Variants in SLC2A13 observed in about 807,000 individuals in gnomAD.
SLC2A13 encodes the protein solute carrier family 2 member 13, also known as proton myo-inositol cotransporter.
SLC2A13 carries 32 observed loss-of-function variants against 64.4 expected under a neutral mutation model. The observed-to-expected ratio is 0.50, with a 90% CI of 0.37 to 0.67. The LOEUF (loss-of-function observed/expected upper bound fraction) is 0.67, where lower values mean the gene tolerates loss of function less well. Among genes scored for constraint, SLC2A13 ranks in the 30% least tolerant of loss-of-function variants. The probability of loss-of-function intolerance (pLI) is 0.00; values close to 1 mark genes in which losing one functional copy is unlikely to be tolerated. For missense variants in SLC2A13, 743 were observed against 829.2 expected, an observed-to-expected ratio of 0.90 and a Z score of 1.28; for synonymous variants, 338 against 327.1, an observed-to-expected ratio of 1.03 and a Z score of -0.36.
At chr12:40,069,503 C>A (rs554241261) in intron 1 of SLC2A13, among the ~76,000 whole-genome samples, 2 of 152,006 alleles carry the variant, frequency 1.3e-5, no homozygotes, top group East Asian at 3.9e-4. Context: ...ACTATGGTCT[C>A]CAGTATAATA....
chr12:40,052,131 G>A (rs17518141), intron 1 of SLC2A13, among the ~76,000 whole-genome samples: 3,395 of 152,182 alleles, frequency 0.022, 137 homozygotes, highest in African/African-American at 0.077. Flanking sequence ...CAAAGATAGG[G>A]AGGGAAAAAA....
At chr12:40,071,649 T>C (rs868533532) in intron 1 of SLC2A13, among the ~76,000 whole-genome samples, 18 of 152,284 alleles carry the variant, frequency 1.2e-4, no homozygotes, top group Middle Eastern at 6.8e-3. Context: ...CTTTCAGTTT[T>C]GGAAGGTTAT....
intron 4 of SLC2A13, among the ~76,000 whole-genome samples, chr12:39,896,033 T>TACATACATGC (rs1166772651): frequency 8.3e-5 from 3 of 36,116 alleles, no homozygotes; most frequent in Non-Finnish European, 1.2e-4. Flanking sequence ...CATACATGCA[T>TACATACATGC]ATGTTTATAT....
intron 3 of SLC2A13, among the ~76,000 whole-genome samples, chr12:39,989,800 T>A (rs1235294446): frequency 6.6e-6 from 1 of 152,218 alleles, no homozygotes; most frequent in East Asian, 1.9e-4. Flanking sequence ...TTAATCCCCA[T>A]GATCCAGAAG....
rs368724660 is a variant in SLC2A13, at chr12:39,757,324, A to G, written c.*2702T>C. On this transcript the variant is annotated 3_prime_UTR_variant, in exon 10 of 10. Coordinates refer to ENST00000280871, the MANE Select transcript of SLC2A13 (RefSeq NM_052885.4). ...CTGCTTTAATATGGTAGGTCAAATC[A>G]CATCATATATAAATTGTCCTACAAA... is the stretch of plus-strand genomic sequence containing the variant. The G allele has an allele frequency of 6.6e-6, 1 of 151,888 alleles. No homozygotes were observed. Among genetic ancestry groups the G allele is most frequent in the South Asian group, 2.1e-4 (1 of 4,830 alleles). 9.4% of individuals were successfully genotyped at this position (151,888 alleles called of 1,614,324 possible).
chr12:39,837,361 A>G (rs1943039283), intron 6 of SLC2A13, among the ~76,000 whole-genome samples: 1 of 138,562 alleles, frequency 7.2e-6, no homozygotes. Context: ...AAAGACTTAA[A>G]CGTTAGACCT....
chr12:39,833,577 AAC>A (rs1391452669), intron 6 of SLC2A13, among the ~76,000 whole-genome samples: 1 of 152,040 alleles, frequency 6.6e-6, no homozygotes, highest in Non-Finnish European at 1.5e-5. Context: ...GCTCTTTCTG[AAC>A]ACTTTTCAAC....
chr12:39,916,915 G>T (rs1945530062), intron 4 of SLC2A13, among the ~76,000 whole-genome samples: 1 of 152,032 alleles, frequency 6.6e-6, no homozygotes, highest in South Asian at 2.1e-4. Flanking sequence ...ATACGGTGGG[G>T]AAAACAGAGC....
chr12:39,968,930 T>G (rs183656832), intron 3 of SLC2A13, among the ~76,000 whole-genome samples: 1,912 of 151,998 alleles, frequency 0.013, 20 homozygotes, highest in Middle Eastern at 0.086. Flanking sequence ...GTATATCTCC[T>G]AATGCTTTCC....
chr12:40,015,182 T>A (rs1011801501), intron 3 of SLC2A13, among the ~76,000 whole-genome samples: 12 of 151,800 alleles, frequency 7.9e-5, no homozygotes, highest in African/African-American at 2.4e-4. Flanking sequence ...AAAAAAAAAA[T>A]TCCAAGGAAT....
chr12:40,048,343 T>C (rs1290392241), intron 1 of SLC2A13, 133 bp from the exon 2 acceptor site: 1 of 819,252 alleles, frequency 1.2e-6, no homozygotes, highest in Non-Finnish European at 1.8e-6. Context: ...GTTTACCACA[T>C]ATTTAAGATT....
At position 39,866,670 on chromosome 12, in the gene SLC2A13, G is replaced by A. The variant is rs1943920255; in HGVS notation, c.1199-1788C>T. On this transcript the variant is annotated intron_variant, in intron 5 of 9. Coordinates refer to ENST00000280871, the MANE Select transcript of SLC2A13 (RefSeq NM_052885.4). ...AATTTTTTGTATTTTTAGTAGAGAC[G>A]GGGTTTCACCGTGTTAGCCAGGATG... 2.0e-5 allele frequency among the ~76,000 whole-genome samples: 3 copies of A among 152,136 alleles called. No homozygotes were observed. The South Asian group carries it at 6.3e-4, about 32-fold the overall frequency.
At chr12:40,044,351 G>C (rs1223880978) in intron 2 of SLC2A13, among the ~76,000 whole-genome samples, 1 of 152,046 alleles carries the variant, frequency 6.6e-6, no homozygotes, top group African/African-American at 2.4e-5. Context: ...AGGAGTGCAA[G>C]GTTTCTTTTT....
rs1411023275 is a variant in SLC2A13 at position 39,759,977 on chromosome 12, C to G, written c.*49G>C. The G allele has an allele frequency of 1.4e-6, 2 of 1,460,406 alleles. No homozygotes were observed. Among genetic ancestry groups the G allele is most frequent in the Admixed American group, 3.4e-5 (2 of 58,716 alleles). The allele number at this position is 1,460,406 out of a possible 1,614,324, so 90.5% of individuals were successfully genotyped here. ...GGCAGTGAAGTCACCAATTGCTGTT[C>G]TTCTCCCCCCAGTTTGTTTAAATAA... On this transcript the variant is annotated 3_prime_UTR_variant, in exon 10 of 10. Transcript: ENST00000280871.
At chr12:39,853,955 G>A (rs970281367) in intron 6 of SLC2A13, among the ~76,000 whole-genome samples, 15 of 152,040 alleles carry the variant, frequency 9.9e-5, no homozygotes, top group African/African-American at 3.6e-4. Flanking sequence ...GATTTTCAGG[G>A]CAGTATTTTG....
Position 39,757,021 on chromosome 12 carries a change from TTGAC to T in SLC2A13, c.*3001_*3004del, listed in dbSNP as rs942771448. On this transcript the variant is annotated 3_prime_UTR_variant, in exon 10 of 10. Transcript: ENST00000280871. ...AAAATAATCATGTTTTGGGAAATGA[TTGAC>T]TAAGGAGCAACAATCAAAATTATTA... 6.6e-6 allele frequency: 1 copy of T among 151,798 alleles called. No homozygotes were observed. The highest frequency in any genetic ancestry group is 2.4e-5 in the African/African-American group (1 of 41,410). The allele number at this position is 151,798 out of a possible 1,614,324, so 9.4% of individuals were successfully genotyped here.
chr12:39,965,242 C>A (rs1345209364), intron 3 of SLC2A13, among the ~76,000 whole-genome samples: 1 of 151,014 alleles, frequency 6.6e-6, no homozygotes. Context: ...TAAACACTCC[C>A]TTATGAGATC....
chr12:39,918,934 ACG>A (rs145813323), intron 4 of SLC2A13, among the ~76,000 whole-genome samples: 42 of 147,804 alleles, frequency 2.8e-4, no homozygotes, highest in African/African-American at 6.4e-4. Context: ...CAGGTTATAC[ACG>A]CGCACACACA....
At position 40,013,179 on chromosome 12, in the gene SLC2A13, A is replaced by T. The variant is rs185480143; in HGVS notation, c.925+15122T>A. Among the ~76,000 whole-genome samples, 22 of 112,090 alleles carry T rather than the reference A, an allele frequency of 2.0e-4. No homozygotes were observed. In the East Asian group the frequency reaches 3.2e-3, roughly 16 times the overall value. 73.5% of individuals were successfully genotyped at this position (112,090 alleles called of 152,430 possible). A position where few individuals can be genotyped will look rare whatever the true frequency, so the allele number is the denominator to read the frequency against. ...ATCAAGTGGTCTTACAAAATGATTT[A>T]AAAAAAAAAAACCTGAGTAATATAA... On this transcript the variant is annotated intron_variant, in intron 3 of 9. Coordinates refer to ENST00000280871, the MANE Select transcript of SLC2A13 (RefSeq NM_052885.4).
Sources: allele counts gnomAD v4.1 joint callset (sites outside exome capture counted in the v4.1 genomes callset), GRCh38; gene constraint gnomAD v4.1.1; transcripts MANE v1.5; gene names NCBI Gene and HGNC (gene_info 2026-07-23, HGNC 2026-07-21).